Variants in SGCZ observed in about 807,000 individuals in gnomAD.
The protein encoded by SGCZ is zeta-sarcoglycan.
SGCZ carries 40 observed loss-of-function variants against 41.3 expected under a neutral mutation model. That is an observed-to-expected ratio of 0.97 (90% CI 0.75 to 1.26). The LOEUF (loss-of-function observed/expected upper bound fraction) is 1.26. Ranked by LOEUF, SGCZ falls within the 50% of genes most tolerant of loss-of-function variation. The pLI, the probability that SGCZ is intolerant of heterozygous loss-of-function variation, is 0.00. For missense variants in SGCZ, 552 were observed against 369.8 expected (o/e 1.49, Z -4.04); for synonymous variants, 206 against 137.5 (o/e 1.50, Z -3.49).
intron 2 of SGCZ, among the ~76,000 whole-genome samples, chr8:14,551,532 TAATATA>T (rs1803840631): frequency 1.8e-4 from 1 of 5,658 alleles, no homozygotes; most frequent in African/African-American, 5.6e-4. Flanking sequence ...ATAATATATA[TAATATA>T]TATAATATAT....
At chr8:14,525,189 TAGATAGAC>T (rs769148599) in intron 2 of SGCZ, among the ~76,000 whole-genome samples, 4,821 of 70,642 alleles carry the variant, frequency 0.068, 92 homozygotes, top group Middle Eastern at 0.12. Context: ...GATAGATAGA[TAGATAGAC>T]AGACAGACAG....
intron 4 of SGCZ, among the ~76,000 whole-genome samples, chr8:14,193,318 TA>T (rs895654334): frequency 8.5e-6 from 1 of 117,732 alleles, no homozygotes; most frequent in South Asian, 3.3e-4. Flanking sequence ...CTCTTTCCTA[TA>T]AAAAATGCAG....
chr8:14,908,765 AG>A (rs1416960417), intron 1 of SGCZ, among the ~76,000 whole-genome samples: 3 of 143,250 alleles, frequency 2.1e-5, no homozygotes, highest in East Asian at 2.1e-4. Flanking sequence ...AAAAAAAAAG[AG>A]AGAGAGATTC....
At chr8:14,477,275 A>G (rs761602639) in intron 2 of SGCZ, among the ~76,000 whole-genome samples, 5 of 152,182 alleles carry the variant, frequency 3.3e-5, no homozygotes, top group African/African-American at 1.2e-4. Flanking sequence ...CAAAACAACA[A>G]CAAAAACCAC....
Position 15,086,107 on chromosome 8 carries a change from T to A in SGCZ, c.39+151478A>T, listed in dbSNP as rs1324974993. Among the ~76,000 whole-genome samples, 6 of 152,328 alleles carry A rather than the reference T, an allele frequency of 3.9e-5. No homozygotes were observed. In the East Asian group the frequency reaches 1.2e-3, roughly 29 times the overall value. ...TAATAAAATCTAAACTTAATTAGCA[T>A]TCTTCAGATAAAGAATACTATTTAA... On this transcript the variant is annotated intron_variant, in intron 1 of 7. Coordinates refer to ENST00000382080, the MANE Select transcript of SGCZ (RefSeq NM_139167.4).
intron 1 of SGCZ, among the ~76,000 whole-genome samples, chr8:15,195,649 A>G (rs1800699311): frequency 6.6e-6 from 1 of 152,126 alleles, no homozygotes; most frequent in Non-Finnish European, 1.5e-5. Context: ...AAATACTTCT[A>G]TAAGGCAACT....
At chr8:14,492,548 C>T (rs1008742191) in intron 2 of SGCZ, among the ~76,000 whole-genome samples, 5 of 152,130 alleles carry the variant, frequency 3.3e-5, no homozygotes, top group African/African-American at 1.2e-4. Context: ...TCAAATAGCA[C>T]AAGATTTACG....
At chr8:14,867,569 A>G (rs1038652552) in intron 1 of SGCZ, among the ~76,000 whole-genome samples, 7 of 152,132 alleles carry the variant, frequency 4.6e-5, no homozygotes, top group African/African-American at 1.7e-4. Flanking sequence ...ACTCCCACCA[A>G]GTGCGTATAA....
At chr8:14,244,589 T>G (rs13250525) in intron 3 of SGCZ, among the ~76,000 whole-genome samples, 49,699 of 151,412 alleles carry the variant, frequency 0.33, 8,543 homozygotes, top group Non-Finnish European at 0.39. Flanking sequence ...CTTTTTTGGT[T>G]CCATATGAAC....
At chr8:14,396,080 T>G (rs186785151) in intron 2 of SGCZ, among the ~76,000 whole-genome samples, 78 of 152,262 alleles carry the variant, frequency 5.1e-4, no homozygotes, top group African/African-American at 1.8e-3. Context: ...TGGGTACCAT[T>G]TGCTCCCTCT....
At chr8:14,655,898 A>T (rs1212490320) in intron 1 of SGCZ, among the ~76,000 whole-genome samples, 1 of 152,062 alleles carries the variant, frequency 6.6e-6, no homozygotes, top group African/African-American at 2.4e-5. Context: ...TTTACTCAGC[A>T]TAATTTTATG....
chr8:14,646,136 C>T lies in SGCZ; in HGVS notation c.40-91210G>A, dbSNP rs532267629. 5.3e-5 allele frequency among the ~76,000 whole-genome samples: 8 copies of T among 151,948 alleles called. No individual in the cohort carries two copies. The South Asian group carries it at 6.2e-4, about 12-fold the overall frequency. On this transcript the variant is annotated intron_variant, in intron 1 of 7. Transcript: ENST00000382080. ...GGTTATACCGCATGATGCTGAGGTT[C>T]AGGGTACAACTGCACCCAGATACTG...
At chr8:14,201,242 A>G (rs1805444579) in intron 4 of SGCZ, among the ~76,000 whole-genome samples, 1 of 152,156 alleles carries the variant, frequency 6.6e-6, no homozygotes. Flanking sequence ...ACCTACACTT[A>G]TCATACAACG....
At chr8:14,309,827 T>C (rs1801469840) in intron 3 of SGCZ, among the ~76,000 whole-genome samples, 1 of 152,142 alleles carries the variant, frequency 6.6e-6, no homozygotes, top group African/African-American at 2.4e-5. Context: ...CTCATTCGCC[T>C]TTGTCTTGTA....
At chr8:14,378,934 A>G (rs1428186303) in intron 2 of SGCZ, among the ~76,000 whole-genome samples, 3 of 152,286 alleles carry the variant, frequency 2.0e-5, no homozygotes, top group South Asian at 2.1e-4. Context: ...CAAACTCAAC[A>G]TTGCTTCTTT....
intron 1 of SGCZ, among the ~76,000 whole-genome samples, chr8:15,120,555 C>T (rs763459145): frequency 5.9e-5 from 9 of 152,214 alleles, no homozygotes; most frequent in South Asian, 2.1e-4. Context: ...ATTTACCAGA[C>T]GTTACAGTCC....
chr8:14,282,886 G>C (rs1370178628), intron 3 of SGCZ, among the ~76,000 whole-genome samples: 2 of 106,924 alleles, frequency 1.9e-5, no homozygotes, highest in South Asian at 6.0e-4. Flanking sequence ...GTCTCACTCT[G>C]TCACCCAGGC....
chr8:14,208,553 A>G (rs1187363177), intron 4 of SGCZ, among the ~76,000 whole-genome samples: 2 of 152,222 alleles, frequency 1.3e-5, no homozygotes, highest in East Asian at 3.8e-4. Context: ...TGTTCCTATC[A>G]AATTGTCAAA....
At chr8:14,739,542 C>G (rs1210389092) in intron 1 of SGCZ, among the ~76,000 whole-genome samples, 1 of 151,990 alleles carries the variant, frequency 6.6e-6, no homozygotes, top group Non-Finnish European at 1.5e-5. Context: ...TACCCACACA[C>G]CACAAAACTC....
Sources: allele counts gnomAD v4.1 joint callset (sites outside exome capture counted in the v4.1 genomes callset), GRCh38; gene constraint gnomAD v4.1.1; transcripts MANE v1.5; gene names NCBI Gene and HGNC (gene_info 2026-07-23, HGNC 2026-07-21).